ARHGAP35: variants seen among roughly 807,000 people sequenced by gnomAD.
ARHGAP35 encodes rho GTPase-activating protein 35.
In ARHGAP35, 15 loss-of-function variants were observed where a neutral mutation model predicts 111.1. The observed-to-expected ratio is 0.13, with a 90% CI of 0.09 to 0.21. The LOEUF (loss-of-function observed/expected upper bound fraction) is 0.21. Ranked by LOEUF, ARHGAP35 falls within the 10% of genes least tolerant of loss-of-function variation. The probability of loss-of-function intolerance (pLI) is 1.00; values close to 1 mark genes in which losing one functional copy is unlikely to be tolerated. For missense variants in ARHGAP35, 1,262 were observed against 1,873.0 expected (o/e 0.67, Z 6.02); for synonymous variants, 643 against 710.3 (o/e 0.91, Z 1.51).
intron 3 of ARHGAP35, among the ~76,000 whole-genome samples, chr19:46,974,234 C>T (rs1038923133): frequency 6.6e-6 from 1 of 152,172 alleles, no homozygotes; most frequent in Non-Finnish European, 1.5e-5. Flanking sequence ...TCATTTAATT[C>T]TGACACTAAC....
chr19:46,878,335 T>G (rs926726844), intron 1 of ARHGAP35, among the ~76,000 whole-genome samples: 1 of 151,994 alleles, frequency 6.6e-6, no homozygotes, highest in Non-Finnish European at 1.5e-5. Flanking sequence ...ATTTTTATTT[T>G]TTTGAGAGAG....
intron 1 of ARHGAP35, among the ~76,000 whole-genome samples, chr19:46,874,038 C>T (rs760160583): frequency 9.2e-5 from 14 of 152,196 alleles, no homozygotes; most frequent in Non-Finnish European, 1.3e-4. Flanking sequence ...TGAGCCACCT[C>T]GCCTGGCTAA....
intron 3 of ARHGAP35, among the ~76,000 whole-genome samples, chr19:46,987,249 C>A (rs1268528981): frequency 7.1e-6 from 1 of 140,376 alleles, no homozygotes; most frequent in East Asian, 2.1e-4. Context: ...GAGAGTCTCA[C>A]CTGTCACCCA....
intron 1 of ARHGAP35, among the ~76,000 whole-genome samples, chr19:46,888,194 C>T (rs1275326487): frequency 2.8e-5 from 4 of 141,440 alleles, no homozygotes; most frequent in East Asian, 2.1e-4. Flanking sequence ...CCTTGTGATC[C>T]GCCCACCTCG....
intron 1 of ARHGAP35, among the ~76,000 whole-genome samples, chr19:46,874,591 G>A (rs923384677): frequency 9.2e-5 from 12 of 130,876 alleles, no homozygotes; most frequent in Admixed American, 1.8e-4. Flanking sequence ...AGCAACCTCC[G>A]CCTCCTGCGT....
chr19:46,905,355 T>C (rs1166694742), intron 1 of ARHGAP35, among the ~76,000 whole-genome samples: 2 of 150,826 alleles, frequency 1.3e-5, no homozygotes. Context: ...TCATCTCCAC[T>C]AAAAGTAGAA....
At position 46,865,014 on chromosome 19, in the gene ARHGAP35, A is replaced by G. The variant is rs547542440; in HGVS notation, c.-189+3805A>G. On this transcript the variant is annotated intron_variant, in intron 1 of 6. Coordinates refer to ENST00000672722, the MANE Select transcript of ARHGAP35 (RefSeq NM_004491.5). The stretch of plus-strand genomic sequence containing the variant: ...TTTACATAATAGGGAGAGAGGACAC[A>G]CAGAATAGAGAGCTGATTTTTCCAC... 9.2e-5 allele frequency among the ~76,000 whole-genome samples: 14 copies of G among 152,382 alleles called. No homozygotes were observed. The South Asian group carries it at 2.5e-3, about 27-fold the overall frequency.
chr19:46,962,110 G>A (rs2056486901), intron 3 of ARHGAP35, among the ~76,000 whole-genome samples: 1 of 152,186 alleles, frequency 6.6e-6, no homozygotes. Flanking sequence ...TGTGGGTGCT[G>A]TTTACACAAG....
intron 2 of ARHGAP35, among the ~76,000 whole-genome samples, chr19:46,930,450 G>C (rs1460099544): frequency 6.8e-6 from 1 of 146,756 alleles, no homozygotes; most frequent in Non-Finnish European, 1.5e-5. Context: ...ACTAGGGCTG[G>C]TGTCCAGGCA....
At chr19:46,868,352 A>C (rs2055869431) in intron 1 of ARHGAP35, among the ~76,000 whole-genome samples, 2 of 152,134 alleles carry the variant, frequency 1.3e-5, no homozygotes, top group South Asian at 4.1e-4. Flanking sequence ...CACCTTAAGG[A>C]ATTTATGGTC....
intron 3 of ARHGAP35, among the ~76,000 whole-genome samples, chr19:46,950,524 C>T (rs149492101): frequency 2.4e-3 from 369 of 152,346 alleles, no homozygotes; most frequent in African/African-American, 8.7e-3. Context: ...GTATCAGTCC[C>T]TGAAGGGGTA....
chr19:47,000,525 G>C lies in ARHGAP35; in HGVS notation c.4337G>C (p.Gly1446Ala). 6.2e-7 allele frequency: 1 copy of C among 1,613,142 alleles called. No homozygotes were observed. Among genetic ancestry groups the C allele is most frequent in the Non-Finnish European group, 8.5e-7 (1 of 1,179,762 alleles). ...AATCGGCCCATCACCGAGCCCCCCG[G>C]CGCCAGGCCCAGCTCCCCCTCTGCC... Reference protein sequence around the residue: ...FYNRPITEPPGARPSSPSAVA... With the variant: ...FYNRPITEPPAARPSSPSAVA... Residue 1446 changes from glycine (G) to alanine (A), a missense_variant, in exon 7 of 7, where the codon GGC (glycine) becomes GCC (alanine). Gly to Ala is a moderately conservative substitution (Grantham distance 60). Coordinates refer to ENST00000672722, the MANE Select transcript of ARHGAP35 (RefSeq NM_004491.5). This position sits in a 1 kb window ranked among gnomAD's most constrained non-coding sequence, Gnocchi z 6.9.
chr19:46,922,192 A>G lies in ARHGAP35; in HGVS notation c.3517A>G (p.Thr1173Ala). Reference sequence around the variant, plus strand: ...GCTGGGGCGGTTTGCTAGTTACCGGACCAGCTTCAGCGTGGGGAGTGATGA... The same window carrying G: ...GCTGGGGCGGTTTGCTAGTTACCGGGCCAGCTTCAGCGTGGGGAGTGATGA... ...TRLGRFASYR[T>A]SFSVGSDDEL... The change falls in exon 2 of 7, where the codon ACC becomes GCC. Residue 1173 changes from threonine (T) to alanine (A), a missense_variant. Physicochemically the swap from Thr to Ala is moderately conservative, Grantham distance 58. Transcript: ENST00000672722. The surrounding 1 kb of genome is among the most constrained non-coding windows in gnomAD (Gnocchi z 4.0). 6.2e-7 allele frequency: 1 copy of G among 1,613,966 alleles called. No homozygotes were observed. The highest frequency in any genetic ancestry group is 8.5e-7 in the Non-Finnish European group (1 of 1,179,886).
chr19:46,877,658 G>A (rs2055933088), intron 1 of ARHGAP35, among the ~76,000 whole-genome samples: 1 of 152,032 alleles, frequency 6.6e-6, no homozygotes, highest in African/African-American at 2.4e-5. Context: ...CTTTAAAAAA[G>A]TATATACCTT....
chr19:46,869,503 T>C (rs2055876587), intron 1 of ARHGAP35, among the ~76,000 whole-genome samples: 1 of 151,554 alleles, frequency 6.6e-6, no homozygotes, highest in South Asian at 2.1e-4. Context: ...TGTGTGTGTG[T>C]GTGTGTATTT....
At chr19:46,955,005 G>A (rs143048332) in intron 3 of ARHGAP35, among the ~76,000 whole-genome samples, 2 of 152,348 alleles carry the variant, frequency 1.3e-5, no homozygotes, top group East Asian at 3.9e-4. Context: ...GAAGGACCCT[G>A]AATCTGGGTA....
chr19:46,891,280 A>C (rs1320849765), intron 1 of ARHGAP35, among the ~76,000 whole-genome samples: 2 of 152,176 alleles, frequency 1.3e-5, no homozygotes, highest in African/African-American at 4.8e-5. Context: ...CACTTTATTG[A>C]TTCATTAAGG....
chr19:46,871,412 G>A (rs1331620132), intron 1 of ARHGAP35, among the ~76,000 whole-genome samples: 1 of 152,052 alleles, frequency 6.6e-6, no homozygotes, highest in African/African-American at 2.4e-5. Flanking sequence ...GCATGGTCTT[G>A]GCTCACTGCG....
intron 2 of ARHGAP35, among the ~76,000 whole-genome samples, chr19:46,930,768 G>A (rs771866504): frequency 1.3e-5 from 2 of 151,760 alleles, no homozygotes; most frequent in African/African-American, 2.4e-5. Flanking sequence ...TTGCATAGCT[G>A]GTACTTGCTC....
Sources: gnomAD v4.1 joint callset for allele counts (sites outside exome capture counted in the v4.1 genomes callset) on GRCh38, gnomAD v4.1.1 for gene constraint, Gnocchi (gnomAD v3.1) non-coding constraint, MANE v1.5 for transcripts, NCBI Gene and HGNC (gene_info 2026-07-23, HGNC 2026-07-21) for gene names.